HOXD11: variants seen among roughly 807,000 people sequenced by gnomAD.
HOXD11 encodes homeobox protein Hox-D11.
Under a neutral mutation model 23.1 loss-of-function variants are expected in HOXD11, and 16 were observed. That is an observed-to-expected ratio of 0.69 (90% CI 0.47 to 1.05). The LOEUF is 1.05. Ranked by LOEUF, HOXD11 falls within the 50% of genes least tolerant of loss-of-function variation. The pLI, the probability that HOXD11 is intolerant of heterozygous loss-of-function variation, is 0.00. For synonymous variants in HOXD11, 262 were observed against 224.4 expected (o/e 1.17, Z -1.50); for missense variants, 564 against 495.6 (o/e 1.14, Z -1.31).
At chr2:176,108,846 C>T (rs1413474306) in intron 1 of HOXD11, 61 bp from the exon 2 acceptor site, 3 of 908,022 alleles carry the variant, frequency 3.3e-6, no homozygotes, top group Non-Finnish European at 4.5e-6. Context: ...CCCGGGCGGG[C>T]GGGCGGGTGG....
Position 176,107,912 on chromosome 2 carries a change from C to T in HOXD11, c.557C>T (p.Pro186Leu). 3 of 1,431,656 alleles carry T rather than the reference C, an allele frequency of 2.1e-6. No individual in the cohort carries two copies. Among genetic ancestry groups the T allele is most frequent in the Non-Finnish European group, 2.7e-6 (3 of 1,091,764 alleles). 88.7% of individuals were successfully genotyped at this position (1,431,656 alleles called of 1,614,324 possible). A position where few individuals can be genotyped will look rare whatever the true frequency, so the allele number is the denominator to read the frequency against. The change falls in exon 1 of 2, where the codon CCC (proline) becomes CTC (leucine). Residue 186 changes from proline (P) to leucine (L), a missense_variant. Transcript: ENST00000249504. The stretch of plus-strand genomic sequence containing the variant: ...TTCGACCAGTTCTACGAGGCAGCGC[C>T]CGGGCCCCCGTTCGCCGGGCCGCAG... ...QGFDQFYEAA[P>L]GPPFAGPQPP...
chr2:176,112,108 G>A (rs539814542), downstream of HOXD11, among the ~76,000 whole-genome samples: 4 of 152,322 alleles, frequency 2.6e-5, no homozygotes, highest in South Asian at 8.3e-4. Flanking sequence ...GAGGCAGCAG[G>A]CACTCGGGGG....
downstream of HOXD11, among the ~76,000 whole-genome samples, chr2:176,112,866 A>C (rs954239702): frequency 1.3e-5 from 2 of 152,144 alleles, no homozygotes; most frequent in Admixed American, 6.5e-5. Context: ...AGGGCCCGGG[A>C]TCAGACCAGA....
chr2:176,112,297 G>C (rs1411334421), downstream of HOXD11, among the ~76,000 whole-genome samples: 1 of 152,212 alleles, frequency 6.6e-6, no homozygotes, highest in Non-Finnish European at 1.5e-5. Flanking sequence ...CAAAGCCCCT[G>C]ACCTTGGGGA....
At position 176,108,888 on chromosome 2, in the gene HOXD11, TG is replaced by T; in HGVS notation, c.782-17del. On this transcript the variant is annotated intron_variant, in intron 1 of 1. Transcript: ENST00000249504. ...TCAGGCAGCGGCCTCTCTCACCCCC[TG>T]GTCTCTTTGCCTTGCAGTTGCCCCC... 6.3e-7 allele frequency: 1 copy of T among 1,582,086 alleles called. No individual in the cohort carries two copies.
At chr2:176,113,510 A>C (rs1392744004), downstream of HOXD11, among the ~76,000 whole-genome samples, 3 of 152,252 alleles carry the variant, frequency 2.0e-5, no homozygotes, top group African/African-American at 7.2e-5. Context: ...GATGGAAAAC[A>C]TCAGCTACAT....
At position 176,109,409 on chromosome 2, in the gene HOXD11, C is replaced by T. The variant is rs1470040088; in HGVS notation, c.*267C>T. ...TTTACCGCCAGTGTGCTGTCGTTCC[C>T]CCTCCCCCTCTCCGAGTCCTCGTGG... is the stretch of plus-strand genomic sequence containing the variant. On this transcript the variant is annotated 3_prime_UTR_variant, in exon 2 of 2. Coordinates refer to ENST00000249504, the MANE Select transcript of HOXD11 (RefSeq NM_021192.3). 4.9e-6 allele frequency: 2 copies of T among 410,896 alleles called. No individual in the cohort carries two copies. The highest frequency in any genetic ancestry group is 2.0e-5 in the African/African-American group (1 of 50,278). The allele number at this position is 410,896 out of a possible 1,614,324, so 25.5% of individuals were successfully genotyped here. A position where few individuals can be genotyped will look rare whatever the true frequency, so the allele number is the denominator to read the frequency against.
chr2:176,111,810 A>T (rs1426362267), downstream of HOXD11, among the ~76,000 whole-genome samples: 1 of 101,162 alleles, frequency 9.9e-6, no homozygotes, highest in Non-Finnish European at 1.9e-5. Flanking sequence ...CCTACTTAAC[A>T]TCCCCCTCCC....
the HOXD11 span, among the ~76,000 whole-genome samples, chr2:176,114,963 G>A: frequency 9.2e-5 from 14 of 152,374 alleles, no homozygotes; most frequent in African/African-American, 3.4e-4. Context: ...GCCGAAGGAC[G>A]GCTCCAAGCC....
At chr2:176,113,130 C>T (rs573904672), downstream of HOXD11, among the ~76,000 whole-genome samples, 30 of 152,158 alleles carry the variant, frequency 2.0e-4, no homozygotes, top group South Asian at 4.1e-4. Context: ...TTCACCTTGG[C>T]TTGGAGGTGC....
chr2:176,110,069 T>C (rs867099070), downstream of HOXD11, among the ~76,000 whole-genome samples: 1 of 152,102 alleles, frequency 6.6e-6, no homozygotes. Context: ...GAAACTTCCA[T>C]TGAAGGGAGA....
chr2:176,115,353 G>A, the HOXD11 span, among the ~76,000 whole-genome samples: 1 of 152,172 alleles, frequency 6.6e-6, no homozygotes, highest in Non-Finnish European at 1.5e-5. Flanking sequence ...CAAAAGTATA[G>A]CTTTTAATAT....
rs1376430709 is a variant in HOXD11 at position 176,108,911 on chromosome 2, C to T, written c.786C>T (p.Ala262=). The change falls in exon 2 of 2, where the codon GCC becomes GCT. Residue 262 remains alanine, a synonymous_variant. Transcript: ENST00000249504. ...CCTGGTCTCTTTGCCTTGCAGTTGCCCCCCAGCGGTCCCGGAAAAAGCGCT... is the reference window on the plus strand; with the variant it reads ...CCTGGTCTCTTTGCCTTGCAGTTGCTCCCCAGCGGTCCCGGAAAAAGCGCT... The part of the protein sequence containing the change: ...AGAEKSSSAV[A]PQRSRKKRCP... 2.5e-6 allele frequency: 4 copies of T among 1,612,332 alleles called. No individual in the cohort carries two copies. The highest frequency in any genetic ancestry group is 1.1e-5 in the South Asian group (1 of 91,018).
At chr2:176,110,951 T>C (rs996055021), downstream of HOXD11, among the ~76,000 whole-genome samples, 1 of 152,228 alleles carries the variant, frequency 6.6e-6, no homozygotes, top group African/African-American at 2.4e-5. Context: ...GGGTCTTAAA[T>C]AGTGGTCCCC....
intron 1 of HOXD11, among the ~76,000 whole-genome samples, chr2:176,108,509 A>T (rs1689621827): frequency 6.6e-6 from 1 of 151,044 alleles, no homozygotes; most frequent in African/African-American, 2.4e-5. Context: ...GGGGAGTTTG[A>T]TCCTTGCACT....
downstream of HOXD11, among the ~76,000 whole-genome samples, chr2:176,110,314 A>G (rs139233859): frequency 7.8e-3 from 1,184 of 152,350 alleles, 5 homozygotes; most frequent in Non-Finnish European, 0.013. Flanking sequence ...AGACAACACC[A>G]TAAAAGCCAA....
At position 176,107,766 on chromosome 2, in the gene HOXD11, G is replaced by A. The variant is rs1689603414; in HGVS notation, c.411G>A (p.Pro137=). 8.0e-7 allele frequency: 1 copy of A among 1,251,556 alleles called. No individual in the cohort carries two copies. Among genetic ancestry groups the A allele is most frequent in the Non-Finnish European group, 1.0e-6 (1 of 1,000,276 alleles). 77.5% of individuals were successfully genotyped at this position (1,251,556 alleles called of 1,614,324 possible). Residue 137 remains proline (P), a synonymous_variant, in exon 1 of 2, where the codon CCG becomes CCA. Transcript: ENST00000249504. ...TTCTCCCGCCCGCGGGCCGCCGGCC[G>A]GACGTGCTCTTCAAGGCGCCTGAGC... ...RELLPPAGRR[P]DVLFKAPEPV...
downstream of HOXD11, among the ~76,000 whole-genome samples, chr2:176,110,216 C>T (rs999820096): frequency 6.6e-6 from 1 of 152,220 alleles, no homozygotes; most frequent in African/African-American, 2.4e-5. Context: ...CGGCATTTAT[C>T]GCTTCAAGTT....
At chr2:176,108,870 G>C (rs1689630163) in intron 1 of HOXD11, 37 bp from the exon 2 acceptor site, 1 of 1,483,242 alleles carries the variant, frequency 6.7e-7, no homozygotes, top group African/African-American at 1.4e-5. Context: ...CTGTCAGGCA[G>C]CGGCCTCTCT....
Sources: gnomAD v4.1 joint callset for allele counts (sites outside exome capture counted in the v4.1 genomes callset) on GRCh38, gnomAD v4.1.1 for gene constraint, MANE v1.5 for transcripts, NCBI Gene and HGNC (gene_info 2026-07-23, HGNC 2026-07-21) for gene names.